GABRQ: variants seen among roughly 807,000 people sequenced by gnomAD.
GABRQ encodes the protein gamma-aminobutyric acid receptor subunit theta.
A neutral mutation model predicts 30.5 loss-of-function variants in GABRQ; 19 were observed. The ratio of observed to expected loss-of-function variants is 0.62; its 90% CI spans 0.43 to 0.91. GABRQ has a LOEUF of 0.91. Among genes scored for constraint, GABRQ ranks in the 40% least tolerant of loss-of-function variants. GABRQ has a pLI of 0.00. For missense variants in GABRQ, 520 were observed against 521.4 expected (o/e 1.00, Z 0.03); for synonymous variants, 187 against 210.2 (o/e 0.89, Z 0.95).
chrX:152,652,470 C>A, intron 8 of GABRQ, 71 bp from the exon 9 acceptor site: 1 of 915,994 alleles, frequency 1.1e-6, no homozygotes, highest in Non-Finnish European at 1.5e-6. Flanking sequence ...TCCCTTCCCT[C>A]CTCCCTCCCC....
rs782374203 is a variant in GABRQ at position 152,652,958 on chromosome X, G to C, written c.1576G>C (p.Gly526Arg). Residue 526 changes from glycine to arginine, a missense_variant, in exon 9 of 9, where the codon GGT becomes CGT. By Grantham distance (125) the Gly-to-Arg change is moderately radical. Coordinates refer to ENST00000598523, the MANE Select transcript of GABRQ (RefSeq NM_018558.4). ...GKPMLHHGEK[G>R]VQEAGWDLDD... ...GCCCATGCTTCACCATGGCGAGAAG[G>C]GTGTGCAAGAAGCAGGCTGGGACCT... The C allele has an allele frequency of 6.6e-6, 8 of 1,210,990 alleles. No individual in the cohort carries two copies. Among genetic ancestry groups the C allele is most frequent in the Non-Finnish European group, 7.8e-6 (7 of 894,470 alleles).
chrX:152,640,170 T>TG (rs10706326), intron 1 of GABRQ, among the ~76,000 whole-genome samples: 24,055 of 103,555 alleles, frequency 0.23, 2,651 homozygotes, highest in African/African-American at 0.4. Context: ...GCTGGGAAGG[T>TG]GGGGGGGGGA....
intron 6 of GABRQ, 44 bp from the exon 7 acceptor site, chrX:152,650,384 C>T (rs369316501): frequency 2.2e-5 from 25 of 1,139,381 alleles, no homozygotes; most frequent in Non-Finnish European, 2.6e-5. Flanking sequence ...CCTGCAAATG[C>T]GCCTCAGCCC....
chrX:152,644,259 C>T (rs1930831478), intron 2 of GABRQ, among the ~76,000 whole-genome samples: 1 of 112,208 alleles, frequency 8.9e-6, no homozygotes, highest in Admixed American at 9.4e-5. Flanking sequence ...CACACAAACA[C>T]ATGCTCACAC....
chrX:152,653,523 G>C lies in GABRQ; in HGVS notation c.*242G>C. On this transcript the variant is annotated 3_prime_UTR_variant, in exon 9 of 9. Transcript: ENST00000598523. ...AGCACATGGATTTCCTTTCCTGCTA[G>C]AAGACTCTCACCTTTTCAAAGACTT... The C allele has an allele frequency of 2.9e-6, 1 of 341,885 alleles. No individual in the cohort carries two copies. Among genetic ancestry groups the C allele is most frequent in the Non-Finnish European group, 5.0e-6 (1 of 198,687 alleles). 28.2% of individuals were successfully genotyped at this position (341,885 alleles called of 1,213,427 possible).
chrX:152,653,127 G>T lies in GABRQ; in HGVS notation c.1745G>T (p.Cys582Phe), dbSNP rs782112494. The T allele has an allele frequency of 3.3e-6, 4 of 1,209,357 alleles. No homozygotes were observed. Among genetic ancestry groups the T allele is most frequent in the East Asian group, 3.0e-5 (1 of 33,768 alleles). Residue 582 changes from cysteine (C) to phenylalanine (F), a missense_variant, in exon 9 of 9, where the codon TGC becomes TTC. Physicochemically the swap from Cys to Phe is radical, Grantham distance 205. Coordinates refer to ENST00000598523, the MANE Select transcript of GABRQ (RefSeq NM_018558.4). ...KDSSSESEDS[C>F]PPSPGCSFTE... ...AGTAGCTCAGAGTCTGAGGATAGTT[G>T]CCCCCCAAGCCCTGGGTGCTCCTTC...
At position 152,651,494 on chromosome X, in the gene GABRQ, AG is replaced by A. The variant is rs1931018835; in HGVS notation, c.902-30del. The A allele has an allele frequency of 5.1e-6, 6 of 1,182,983 alleles. No individual in the cohort carries two copies. In the East Asian group the frequency reaches 1.8e-4, roughly 35 times the overall value. ...GGTTGCCAAGAACGTTAGCCATCAG[AG>A]GAGACTAAGTCTGTACTGTGTTGCT... On this transcript the variant is annotated intron_variant, in intron 7 of 8. Transcript: ENST00000598523.
intron 1 of GABRQ, among the ~76,000 whole-genome samples, chrX:152,639,603 C>T (rs1349622221): frequency 1.8e-5 from 2 of 111,825 alleles, no homozygotes; most frequent in Non-Finnish European, 3.8e-5. Context: ...AGTCCACTTA[C>T]CTATGCTCAC....
chrX:152,652,093 G>A (rs1348924443), intron 8 of GABRQ, among the ~76,000 whole-genome samples: 1 of 112,730 alleles, frequency 8.9e-6, no homozygotes, highest in Admixed American at 9.3e-5. Context: ...GAAGATGGGC[G>A]CAGGGAGACT....
chrX:152,646,979 C>T lies in GABRQ; in HGVS notation c.338C>T (p.Thr113Ile). The T allele has an allele frequency of 8.3e-7, 1 of 1,205,546 alleles. No homozygotes were observed. Among genetic ancestry groups the T allele is most frequent in the Non-Finnish European group, 1.1e-6 (1 of 889,937 alleles). ...ACGATCACGATGTTTTTTCATCAGA[C>T]TTGGAAAGATTCACGCTTAGCATAC... ...DYTITMFFHQTWKDSRLAYYE... is the reference protein window; with the variant it reads ...DYTITMFFHQIWKDSRLAYYE... The change falls in exon 4 of 9, where the codon ACT becomes ATT. Residue 113 changes from threonine to isoleucine, a missense_variant. By Grantham distance (89) the Thr-to-Ile change is moderately conservative (BLOSUM62 -1). Coordinates refer to ENST00000598523, the MANE Select transcript of GABRQ (RefSeq NM_018558.4).
chrX:152,651,266 T>C (rs1286235976), intron 7 of GABRQ, among the ~76,000 whole-genome samples: 1 of 112,380 alleles, frequency 8.9e-6, no homozygotes, highest in Non-Finnish European at 1.9e-5. Context: ...GGAGCCATCA[T>C]AGGCCAAGGT....
At chrX:152,640,038 G>A (rs1804483157) in intron 1 of GABRQ, among the ~76,000 whole-genome samples, 1 of 111,178 alleles carries the variant, frequency 9.0e-6, no homozygotes, top group African/African-American at 3.3e-5. Context: ...GCATTTTTCT[G>A]AGGGCTTTCA....
chrX:152,646,866 C>A, intron 3 of GABRQ, 82 bp from the exon 4 acceptor site: 1 of 602,925 alleles, frequency 1.7e-6, no homozygotes, highest in Non-Finnish European at 2.9e-6. Context: ...TGCATGCACA[C>A]ATACACACAC....
chrX:152,647,904 T>TA (rs1930926511), intron 4 of GABRQ, among the ~76,000 whole-genome samples: 2 of 112,210 alleles, frequency 1.8e-5, no homozygotes, highest in South Asian at 7.5e-4. Flanking sequence ...GTTTGGCTCT[T>TA]ACGGTTTTTA....
intron 2 of GABRQ, among the ~76,000 whole-genome samples, chrX:152,643,833 C>T (rs1467605295): frequency 1.2e-4 from 13 of 112,059 alleles, no homozygotes; most frequent in Non-Finnish European, 2.1e-4. Flanking sequence ...TTCACTTAGT[C>T]TCACACATTA....
intron 2 of GABRQ, among the ~76,000 whole-genome samples, chrX:152,644,800 T>C (rs1930847717): frequency 8.9e-6 from 1 of 111,848 alleles, no homozygotes; most frequent in Non-Finnish European, 1.9e-5. Context: ...ACAGGCATCC[T>C]CACATAAACT....
chrX:152,649,144 T>G (rs1303727465), intron 4 of GABRQ, 107 bp from the exon 5 acceptor site: 1 of 559,417 alleles, frequency 1.8e-6, no homozygotes, highest in Non-Finnish European at 3.2e-6. Flanking sequence ...TACACATGGG[T>G]CAGTCCTTGG....
intron 2 of GABRQ, among the ~76,000 whole-genome samples, chrX:152,643,283 G>A (rs1556818657): frequency 8.9e-6 from 1 of 112,531 alleles, no homozygotes; most frequent in Non-Finnish European, 1.9e-5. Flanking sequence ...AGTCTGGGCT[G>A]TACCCCAACA....
Position 152,650,536 on chromosome X carries a change from C to T in GABRQ, c.857C>T (p.Ser286Leu), listed in dbSNP as rs782134457. The change falls in exon 7 of 9, where the codon TCG becomes TTG. Residue 286 changes from serine (S) to leucine (L), a missense_variant. Coordinates refer to ENST00000598523, the MANE Select transcript of GABRQ (RefSeq NM_018558.4). The part of the protein sequence containing the change: ...TVLTTITSWI[S>L]FWMNYDSSAA... ...CTCACCACTATTACCTCTTGGATAT[C>T]GTTTTGGATGAACTATGATTCCTCT... 8.3e-7 allele frequency: 1 copy of T among 1,204,624 alleles called. No homozygotes were observed. The highest frequency in any genetic ancestry group is 1.1e-6 in the Non-Finnish European group (1 of 889,473).
Sources: gnomAD v4.1 joint callset for allele counts (sites outside exome capture counted in the v4.1 genomes callset) on GRCh38, gnomAD v4.1.1 for gene constraint, MANE v1.5 for transcripts, NCBI Gene and HGNC (gene_info 2026-07-23, HGNC 2026-07-21) for gene names.